GRIN3A: variants seen among roughly 807,000 people sequenced by gnomAD.
GRIN3A encodes the protein glutamate ionotropic receptor NMDA type subunit 3A.
In GRIN3A, 47 loss-of-function variants were observed where a neutral mutation model predicts 92.4. The observed-to-expected ratio is 0.51, with a 90% CI of 0.40 to 0.65. The LOEUF is 0.65. Among genes scored for constraint, GRIN3A ranks in the 30% least tolerant of loss-of-function variants. GRIN3A has a pLI of 0.00. For missense variants in GRIN3A, 1,324 were observed against 1,393.1 expected (o/e 0.95, Z 0.79); for synonymous variants, 527 against 540.6 (o/e 0.97, Z 0.35).
chr9:101,645,873 T>A (rs939723045), intron 3 of GRIN3A, among the ~76,000 whole-genome samples: 10 of 151,538 alleles, frequency 6.6e-5, no homozygotes, highest in African/African-American at 2.4e-4. Context: ...TGTCTTCTTT[T>A]GAAAAATACA....
chr9:101,719,418 TAAAA>T (rs34048066), intron 1 of GRIN3A, among the ~76,000 whole-genome samples: 1 of 139,976 alleles, frequency 7.1e-6, no homozygotes, highest in Non-Finnish European at 1.5e-5. Flanking sequence ...GACTCCATCT[TAAAA>T]AAAAAAAAAA....
intron 3 of GRIN3A, among the ~76,000 whole-genome samples, chr9:101,639,819 C>A (rs1461411659): frequency 6.6e-6 from 1 of 152,096 alleles, no homozygotes; most frequent in African/African-American, 2.4e-5. Context: ...ACAGCATAGA[C>A]CCCAGGAAAC....
At position 101,670,616 on chromosome 9, in the gene GRIN3A, A is replaced by G. The variant is rs1485058559; in HGVS notation, c.1796T>C (p.Ile599Thr). 4 of 1,614,022 alleles carry G rather than the reference A, an allele frequency of 2.5e-6. No homozygotes were observed. In the South Asian group the frequency reaches 4.4e-5, roughly 18 times the overall value. The change falls in exon 3 of 9, where the codon ATT becomes ACT. Residue 599 changes from isoleucine to threonine, a missense_variant. Transcript: ENST00000361820. ...TGCTCCATACTTTCCATCCCCTACA[A>G]TATAGAGGTCGAAGTCAAAGTTCAT... is the stretch of plus-strand genomic sequence containing the variant. ...EDMNFDFDLYIVGDGKYGAWK... is the reference protein window; with the variant it reads ...EDMNFDFDLYTVGDGKYGAWK...
chr9:101,728,681 A>T (rs1399019348), intron 1 of GRIN3A, among the ~76,000 whole-genome samples: 1 of 152,166 alleles, frequency 6.6e-6, no homozygotes, highest in African/African-American at 2.4e-5. Context: ...TAAAATTTCA[A>T]CCATTATCCT....
At chr9:101,655,627 T>C (rs13284717) in intron 3 of GRIN3A, among the ~76,000 whole-genome samples, 19,952 of 151,922 alleles carry the variant, frequency 0.13, 1,593 homozygotes, top group Admixed American at 0.19. Flanking sequence ...AACTTGGGTT[T>C]AAGTAGCAGC....
At position 101,670,926 on chromosome 9, in the gene GRIN3A, A is replaced by G. The variant is rs113639019; in HGVS notation, c.1486T>C (p.Trp496Arg). The G allele has an allele frequency of 6.2e-7, 1 of 1,613,834 alleles. No homozygotes were observed. ...TTGTGTCTCTGGGCCTGCTCTGGCCATATTCCATAGTCCATGACAATCTTT... is the reference window on the plus strand; with the variant it reads ...TTGTGTCTCTGGGCCTGCTCTGGCCGTATTCCATAGTCCATGACAATCTTT... Reference protein sequence around the residue: ...GGKIVMDYGIWPEQAQRHKTH... With the variant: ...GGKIVMDYGIRPEQAQRHKTH... The change falls in exon 3 of 9, where the codon TGG (tryptophan) becomes CGG (arginine). Residue 496 changes from tryptophan (W) to arginine (R), a missense_variant. Transcript: ENST00000361820.
chr9:101,638,449 C>T (rs1390648295), intron 3 of GRIN3A, among the ~76,000 whole-genome samples: 1 of 152,200 alleles, frequency 6.6e-6, no homozygotes, highest in Non-Finnish European at 1.5e-5. Context: ...TGAGGCTCTT[C>T]CAATTGTCTT....
At chr9:101,576,645 A>T (rs532317670) in intron 8 of GRIN3A, among the ~76,000 whole-genome samples, 111 of 152,268 alleles carry the variant, frequency 7.3e-4, no homozygotes, top group African/African-American at 2.4e-3. Context: ...AATTTATGTT[A>T]AAAATAGAAA....
intron 3 of GRIN3A, among the ~76,000 whole-genome samples, chr9:101,636,755 A>T (rs1828789929): frequency 1.3e-5 from 2 of 152,226 alleles, no homozygotes; most frequent in South Asian, 4.1e-4. Context: ...AAAGACAAAT[A>T]GCCCGTGACC....
chr9:101,687,490 C>G (rs1035182197), intron 1 of GRIN3A, among the ~76,000 whole-genome samples: 14 of 152,138 alleles, frequency 9.2e-5, no homozygotes, highest in African/African-American at 3.4e-4. Context: ...TTTTGTCAAG[C>G]TTGTCTACTG....
chr9:101,573,134 A>G lies in GRIN3A; in HGVS notation c.*40T>C. The G allele has an allele frequency of 6.6e-7, 1 of 1,521,326 alleles. No individual in the cohort carries two copies. The highest frequency in any genetic ancestry group is 2.2e-5 in the East Asian group (1 of 44,448). 94.2% of individuals were successfully genotyped at this position (1,521,326 alleles called of 1,614,324 possible). A position where few individuals can be genotyped will look rare whatever the true frequency, so the allele number is the denominator to read the frequency against. On this transcript the variant is annotated 3_prime_UTR_variant, in exon 9 of 9. Transcript: ENST00000361820. ...ATTACAAAGTGTCTCAAGGGCTCAG[A>G]GGAAGGTCAGGAACTGAGAAAGGGA...
intron 3 of GRIN3A, among the ~76,000 whole-genome samples, chr9:101,663,040 C>T (rs532695029): frequency 8.6e-5 from 13 of 151,470 alleles, no homozygotes; most frequent in African/African-American, 3.2e-4. Flanking sequence ...GTCTGACTCT[C>T]ATTCCCATTT....
intron 3 of GRIN3A, among the ~76,000 whole-genome samples, chr9:101,663,066 G>A (rs752781868): frequency 7.6e-5 from 10 of 131,062 alleles, no homozygotes; most frequent in Non-Finnish European, 1.5e-4. Flanking sequence ...GCTTTCCAAT[G>A]TCATAGTTGA....
intron 6 of GRIN3A, among the ~76,000 whole-genome samples, chr9:101,582,108 A>G (rs1404617394): frequency 6.6e-6 from 1 of 152,120 alleles, no homozygotes; most frequent in African/African-American, 2.4e-5. Flanking sequence ...GATGTGAATG[A>G]TCCTCCCATT....
At position 101,616,855 on chromosome 9, in the gene GRIN3A, A is replaced by G. The variant is rs998794900; in HGVS notation, c.2615-3328T>C. Among the ~76,000 whole-genome samples the G allele has an allele frequency of 5.3e-4, 78 of 147,608 alleles. 2 individuals carry two copies. The highest frequency in any genetic ancestry group is 4.4e-4 in the South Asian group (2 of 4,566). On this transcript the variant is annotated intron_variant, in intron 5 of 8. Transcript: ENST00000361820. Reference sequence around the variant, plus strand: ...ATGTATACATATGAAACTAACCTGCACAATGTGCACATGTACCCTAAAACT... The same window carrying G: ...ATGTATACATATGAAACTAACCTGCGCAATGTGCACATGTACCCTAAAACT...
Position 101,675,455 on chromosome 9 carries a change from A to G in GRIN3A, c.1305-4348T>C, listed in dbSNP as rs137895413. Among the ~76,000 whole-genome samples, 902 of 152,102 alleles carry G rather than the reference A, an allele frequency of 5.9e-3. 11 individuals are homozygous for G. The highest frequency in any genetic ancestry group is 0.02 in the African/African-American group (827 of 41,536). On this transcript the variant is annotated intron_variant, in intron 2 of 8. Transcript: ENST00000361820. ...AATTAAAGTATTTTCTTATTTATTC[A>G]TCATAAAATGAGCAACACATCACAC...
chr9:101,671,078 A>C lies in GRIN3A; in HGVS notation c.1334T>G (p.Leu445Arg), dbSNP rs1362168213. The change falls in exon 3 of 9, where the codon CTC (leucine) becomes CGC (arginine). Residue 445 changes from leucine to arginine, a missense_variant. Coordinates refer to ENST00000361820, the MANE Select transcript of GRIN3A (RefSeq NM_133445.3). ...RFLANTTFRG[L>R]SGSIRVKGST... ...ACCTTTTACTCTGATGGAACCACTGAGGCCTCTGAAAGTGGTATTGGCTAG... is the reference window on the plus strand; with the variant it reads ...ACCTTTTACTCTGATGGAACCACTGCGGCCTCTGAAAGTGGTATTGGCTAG... 1 of 1,613,690 alleles carries C rather than the reference A, an allele frequency of 6.2e-7. No homozygotes were observed. The highest frequency in any genetic ancestry group is 8.5e-7 in the Non-Finnish European group (1 of 1,179,722).
intron 3 of GRIN3A, among the ~76,000 whole-genome samples, chr9:101,642,508 A>T (rs1198813474): frequency 2.0e-5 from 3 of 152,200 alleles, no homozygotes; most frequent in East Asian, 1.9e-4. Context: ...GTTTCTGCCT[A>T]GCAAAGTAAA....
intron 5 of GRIN3A, among the ~76,000 whole-genome samples, chr9:101,621,567 C>T (rs1160518399): frequency 6.6e-6 from 1 of 152,148 alleles, no homozygotes; most frequent in Non-Finnish European, 1.5e-5. Context: ...CTTTTCCATG[C>T]ACCATTTTGT....
Sources: gnomAD v4.1 joint callset for allele counts (sites outside exome capture counted in the v4.1 genomes callset) on GRCh38, gnomAD v4.1.1 for gene constraint, MANE v1.5 for transcripts, NCBI Gene and HGNC (gene_info 2026-07-23, HGNC 2026-07-21) for gene names.